Variants in PKP2 observed in about 807,000 individuals in gnomAD.
The protein encoded by PKP2 is plakophilin 2, also known as plakophilin-2.
PKP2 carries 73 observed loss-of-function variants against 83.4 expected under a neutral mutation model. The ratio of observed to expected loss-of-function variants is 0.88; its 90% CI spans 0.72 to 1.06. The LOEUF is 1.06. Among genes scored for constraint, PKP2 ranks in the 50% least tolerant of loss-of-function variants. The probability of loss-of-function intolerance (pLI) is 0.00; values close to 1 mark genes in which losing one functional copy is unlikely to be tolerated. For synonymous variants in PKP2, 409 were observed against 430.4 expected, an observed-to-expected ratio of 0.95 and a Z score of 0.62; for missense variants, 966 against 1,065.4, an observed-to-expected ratio of 0.91 and a Z score of 1.30.
At chr12:32,797,941 G>A (rs929745749) in intron 10 of PKP2, among the ~76,000 whole-genome samples, 8 of 152,040 alleles carry the variant, frequency 5.3e-5, no homozygotes, top group African/African-American at 1.9e-4. Flanking sequence ...AGGATCACTT[G>A]AGCCCAGGAG....
chr12:32,879,358 C>T (rs1434211788), intron 1 of PKP2, among the ~76,000 whole-genome samples: 1 of 148,468 alleles, frequency 6.7e-6, no homozygotes, highest in African/African-American at 2.5e-5. Context: ...CATGGCGAAA[C>T]CCATCTCTAC....
chr12:32,846,164 A>AAAAC (rs1169876532), intron 5 of PKP2, among the ~76,000 whole-genome samples: 5 of 152,188 alleles, frequency 3.3e-5, no homozygotes, highest in Non-Finnish European at 7.3e-5. Context: ...CTGCACTCTT[A>AAAAC]TCATGACTTG....
chr12:32,891,360 TA>T (rs1466467477), intron 1 of PKP2, among the ~76,000 whole-genome samples: 3 of 152,188 alleles, frequency 2.0e-5, no homozygotes, highest in Non-Finnish European at 1.5e-5. Flanking sequence ...ATTACTATCA[TA>T]GTTTGCCAAT....
At chr12:32,847,146 T>C (rs938595270) in intron 5 of PKP2, among the ~76,000 whole-genome samples, 1 of 152,194 alleles carries the variant, frequency 6.6e-6, no homozygotes, top group African/African-American at 2.4e-5. Flanking sequence ...TTCACATATA[T>C]ACTTACTTTC....
intron 4 of PKP2, chr12:32,863,327 C>G: frequency 3.9e-6 from 1 of 258,764 alleles, no homozygotes; most frequent in South Asian, 6.2e-5. Context: ...GGAAAGGTAA[C>G]TTGGGCGCAT....
At chr12:32,879,662 C>T (rs572708798) in intron 1 of PKP2, among the ~76,000 whole-genome samples, 4 of 151,792 alleles carry the variant, frequency 2.6e-5, no homozygotes, top group Non-Finnish European at 5.9e-5. Context: ...AAGCCCCTCT[C>T]TACTAAAACT....
intron 7 of PKP2, 118 bp downstream of exon 7, chr12:32,823,927 T>C: frequency 1.3e-6 from 1 of 753,418 alleles, no homozygotes; most frequent in South Asian, 1.4e-5. Flanking sequence ...TAAGGATGAA[T>C]GGAAGATCTT....
intron 9 of PKP2, among the ~76,000 whole-genome samples, chr12:32,817,862 G>A (rs1956334418): frequency 6.6e-6 from 1 of 152,196 alleles, no homozygotes. Flanking sequence ...ACAGCAGAAA[G>A]TGAGCAGTGA....
At chr12:32,849,039 T>C (rs754153706) in intron 5 of PKP2, among the ~76,000 whole-genome samples, 23 of 151,458 alleles carry the variant, frequency 1.5e-4, no homozygotes, top group Admixed American at 2.6e-4. Context: ...TTCTATGATG[T>C]ATATTCTTTG....
intron 6 of PKP2, among the ~76,000 whole-genome samples, chr12:32,840,268 C>T (rs1245514071): frequency 1.3e-5 from 2 of 152,080 alleles, no homozygotes; most frequent in African/African-American, 4.8e-5. Flanking sequence ...TATCTGTGTC[C>T]CCTGCTCCAC....
chr12:32,850,617 G>A (rs1956686966), intron 5 of PKP2, 149 bp downstream of exon 5: 1 of 702,018 alleles, frequency 1.4e-6, no homozygotes, highest in African/African-American at 1.8e-5. Context: ...GTCTAAGCCA[G>A]CAGGTAACAA....
chr12:32,803,108 A>C (rs149208571), intron 9 of PKP2, among the ~76,000 whole-genome samples: 7,896 of 151,880 alleles, frequency 0.052, 250 homozygotes, highest in Non-Finnish European at 0.079. Context: ...GGTGGCTCAC[A>C]CCTGTAATCC....
chr12:32,857,705 A>C lies in PKP2; in HGVS notation c.1171-6732T>G, dbSNP rs368093121. The stretch of plus-strand genomic sequence containing the variant: ...ATATACATTTTTAGGTTTGCATATA[A>C]TTTTCATGTTTCATCATTCTCAAAA... On this transcript the variant is annotated intron_variant, in intron 4 of 12. Coordinates refer to ENST00000340811, the MANE Select transcript of PKP2 (RefSeq NM_001005242.3). 1.5e-4 allele frequency among the ~76,000 whole-genome samples: 23 copies of C among 151,954 alleles called. No individual in the cohort carries two copies. In the East Asian group the frequency reaches 4.4e-3, roughly 29 times the overall value.
At chr12:32,852,555 A>C (rs766856710) in intron 4 of PKP2, among the ~76,000 whole-genome samples, 3 of 152,230 alleles carry the variant, frequency 2.0e-5, no homozygotes, top group Non-Finnish European at 4.4e-5. Context: ...TAACATTAAG[A>C]AGCGTCAGTA....
chr12:32,819,114 C>G (rs908796180), intron 9 of PKP2, among the ~76,000 whole-genome samples: 10 of 151,716 alleles, frequency 6.6e-5, no homozygotes, highest in African/African-American at 2.4e-4. Flanking sequence ...CTCATCTCTA[C>G]TAAAAATACA....
chr12:32,879,707 GT>G (rs1007645782), intron 1 of PKP2, among the ~76,000 whole-genome samples: 1 of 151,846 alleles, frequency 6.6e-6, no homozygotes, highest in Non-Finnish European at 1.5e-5. Flanking sequence ...GCAGGCACCT[GT>G]AATCCCAACT....
chr12:32,858,589 C>T (rs945332218), intron 4 of PKP2, among the ~76,000 whole-genome samples: 4 of 151,746 alleles, frequency 2.6e-5, no homozygotes, highest in African/African-American at 4.8e-5. Flanking sequence ...ATATAGACAT[C>T]GAGATGAAAA....
chr12:32,836,200 C>A (rs530863942), intron 6 of PKP2, among the ~76,000 whole-genome samples: 1 of 152,296 alleles, frequency 6.6e-6, no homozygotes, highest in East Asian at 1.9e-4. Context: ...TCTGCATCAC[C>A]TTTAAGTGAG....
chr12:32,858,188 G>A (rs1956772227), intron 4 of PKP2, among the ~76,000 whole-genome samples: 1 of 136,828 alleles, frequency 7.3e-6, no homozygotes, highest in Admixed American at 7.9e-5. Flanking sequence ...CATGCCTGTG[G>A]TCCCAGCTAC....
Sources: gnomAD v4.1 joint callset for allele counts (sites outside exome capture counted in the v4.1 genomes callset) on GRCh38, gnomAD v4.1.1 for gene constraint, MANE v1.5 for transcripts, NCBI Gene and HGNC (gene_info 2026-07-23, HGNC 2026-07-21) for gene names.